Variants in SYN3 observed in about 807,000 individuals in gnomAD.
SYN3 encodes the protein synapsin-3.
A neutral mutation model predicts 65.8 loss-of-function variants in SYN3; 35 were observed. The ratio of observed to expected loss-of-function variants is 0.53; its 90% confidence interval spans 0.41 to 0.70. The LOEUF (loss-of-function observed/expected upper bound fraction) is 0.70. SYN3 is among the 30% of genes least tolerant of loss of function. The probability of loss-of-function intolerance (pLI) is 0.00; values close to 1 mark genes in which losing one functional copy is unlikely to be tolerated. For synonymous variants in SYN3, 270 were observed against 292.9 expected, an observed-to-expected ratio of 0.92 and a Z score of 0.80; for missense variants, 680 against 749.0, an observed-to-expected ratio of 0.91 and a Z score of 1.08.
intron 7 of SYN3, among the ~76,000 whole-genome samples, chr22:32,575,593 T>C (rs903548789): frequency 2.0e-5 from 3 of 152,190 alleles, no homozygotes; most frequent in Non-Finnish European, 2.9e-5. Flanking sequence ...ACTTTAAACA[T>C]AATGTTTGCT....
chr22:32,517,744 G>C (rs1210914071), intron 13 of SYN3, among the ~76,000 whole-genome samples: 1 of 152,038 alleles, frequency 6.6e-6, no homozygotes, highest in Non-Finnish European at 1.5e-5. Flanking sequence ...TATGAACAAA[G>C]AGAATGATTG....
chr22:33,003,907 C>A (rs2053131471), intron 2 of SYN3, among the ~76,000 whole-genome samples: 1 of 152,152 alleles, frequency 6.6e-6, no homozygotes, highest in Non-Finnish European at 1.5e-5. Context: ...CTCCTGTGTG[C>A]AGTATCAGGA....
intron 3 of SYN3, among the ~76,000 whole-genome samples, chr22:32,954,051 T>C (rs1057077888): frequency 6.6e-6 from 1 of 152,092 alleles, no homozygotes; most frequent in African/African-American, 2.4e-5. Flanking sequence ...TCTGTCCTGA[T>C]AGTCGCCCCT....
chr22:32,887,609 CA>C (rs1287608471), intron 4 of SYN3, among the ~76,000 whole-genome samples: 9 of 152,192 alleles, frequency 5.9e-5, no homozygotes, highest in Non-Finnish European at 1.3e-4. Context: ...CTGGCCCCCA[CA>C]AACTGTGAGA....
chr22:32,912,978 T>C (rs1003979259), intron 4 of SYN3, among the ~76,000 whole-genome samples: 13 of 152,196 alleles, frequency 8.5e-5, no homozygotes, highest in Middle Eastern at 3.4e-3. Flanking sequence ...AGCCCCAGTG[T>C]CAACTAGGGA....
chr22:32,858,007 C>G, intron 6 of SYN3: 1 of 1,614,180 alleles, frequency 6.2e-7, no homozygotes, highest in Non-Finnish European at 8.5e-7. Context: ...TTTCTTCTTT[C>G]CTCCTGTAGG....
chr22:32,567,726 G>A (rs1177455819), intron 7 of SYN3, among the ~76,000 whole-genome samples: 4 of 152,134 alleles, frequency 2.6e-5, no homozygotes, highest in Admixed American at 1.3e-4. Context: ...TGGGGTTGAC[G>A]AGCCTCAGAG....
intron 6 of SYN3, among the ~76,000 whole-genome samples, chr22:32,739,436 T>C (rs2061377308): frequency 6.6e-6 from 1 of 151,192 alleles, no homozygotes; most frequent in Non-Finnish European, 1.5e-5. Context: ...AGTGTGAAAA[T>C]GAAGTAATAC....
intron 6 of SYN3, among the ~76,000 whole-genome samples, chr22:32,762,237 G>T (rs1248154850): frequency 1.3e-5 from 2 of 151,856 alleles, no homozygotes; most frequent in African/African-American, 4.8e-5. Context: ...GCATCCTCTT[G>T]CTCCTGTCCA....
At chr22:32,859,137 C>T (rs530981109) in intron 6 of SYN3, 12 of 1,608,286 alleles carry the variant, frequency 7.5e-6, no homozygotes, top group Non-Finnish European at 1.0e-5. Context: ...CCTGGGCATA[C>T]CATGGCAGAG....
chr22:32,802,372 C>G (rs1200133846), intron 6 of SYN3, among the ~76,000 whole-genome samples: 2 of 152,092 alleles, frequency 1.3e-5, no homozygotes, highest in Non-Finnish European at 2.9e-5. Context: ...TAACTTAGGT[C>G]GTGAGGTTCC....
intron 1 of SYN3, among the ~76,000 whole-genome samples, chr22:33,032,374 G>C (rs2053770879): frequency 6.6e-6 from 1 of 152,110 alleles, no homozygotes; most frequent in African/African-American, 2.4e-5. Context: ...TGGGCCTGGT[G>C]GTGGGCACCT....
chr22:33,042,623 T>C (rs142784539), intron 1 of SYN3, among the ~76,000 whole-genome samples: 118 of 152,290 alleles, frequency 7.7e-4, no homozygotes, highest in African/African-American at 2.4e-3. Flanking sequence ...TAAAGGGCAG[T>C]TGACACTGGG....
intron 3 of SYN3, among the ~76,000 whole-genome samples, chr22:32,933,631 G>T (rs1430624464): frequency 6.6e-6 from 1 of 152,028 alleles, no homozygotes; most frequent in African/African-American, 2.4e-5. Flanking sequence ...GTAGAAAGGG[G>T]GTTTCACCAT....
At position 33,044,292 on chromosome 22, in the gene SYN3, G is replaced by A. The variant is rs146249635; in HGVS notation, c.-163+14000C>T. Among the ~76,000 whole-genome samples the A allele has an allele frequency of 1.1e-3, 170 of 152,308 alleles. 1 individual carries two copies. Among genetic ancestry groups the A allele is most frequent in the African/African-American group, 4.0e-3 (166 of 41,574 alleles). On this transcript the variant is annotated intron_variant, in intron 1 of 13. Coordinates refer to ENST00000358763, the MANE Select transcript of SYN3 (RefSeq NM_003490.4). ...TCCAGCCAGCTGGTTCACTGTAGCA[G>A]TAGCTTTCCTCAAACATGCCTAGTC...
At chr22:32,611,283 TG>T (rs1415753057) in intron 6 of SYN3, among the ~76,000 whole-genome samples, 1,434 of 82,656 alleles carry the variant, frequency 0.017, 56 homozygotes, top group Middle Eastern at 0.026. Context: ...GTTTTTTTTT[TG>T]TTTTTTTTTT....
intron 4 of SYN3, among the ~76,000 whole-genome samples, chr22:32,914,243 G>A (rs1053617704): frequency 4.6e-5 from 7 of 152,164 alleles, no homozygotes; most frequent in South Asian, 4.1e-4. Flanking sequence ...CAAAAAAGAC[G>A]AGTCATAGTC....
intron 6 of SYN3, among the ~76,000 whole-genome samples, chr22:32,814,502 C>T (rs910028915): frequency 2.6e-5 from 4 of 152,048 alleles, no homozygotes; most frequent in South Asian, 2.1e-4. Flanking sequence ...CTTTTTCTAA[C>T]GGAGAAAGAC....
intron 3 of SYN3, among the ~76,000 whole-genome samples, chr22:32,963,242 ATTTTTTT>A (rs59829876): frequency 1.8e-5 from 2 of 111,842 alleles, no homozygotes; most frequent in Non-Finnish European, 3.7e-5. Context: ...TGCCTGGCTA[ATTTTTTT>A]TTTTTTTTTT....
Sources: gnomAD v4.1 joint callset for allele counts (sites outside exome capture counted in the v4.1 genomes callset) on GRCh38, gnomAD v4.1.1 for gene constraint, MANE v1.5 for transcripts, NCBI Gene and HGNC (gene_info 2026-07-23, HGNC 2026-07-21) for gene names.